AP3B1: variants seen among roughly 807,000 people sequenced by gnomAD.
The protein encoded by AP3B1 is adaptor related protein complex 3 subunit beta 1, also known as AP-3 complex subunit beta-1.
In AP3B1, 61 loss-of-function variants were observed where a neutral mutation model predicts 132.5. That is an observed-to-expected ratio of 0.46 (90% CI 0.37 to 0.57). AP3B1 has a LOEUF of 0.57. Among genes scored for constraint, AP3B1 ranks in the 20% least tolerant of loss-of-function variants. AP3B1 has a pLI of 0.00. For missense variants in AP3B1, 1,120 were observed against 1,289.4 expected, an observed-to-expected ratio of 0.87 and a Z score of 2.01; for synonymous variants, 388 against 438.3, an observed-to-expected ratio of 0.89 and a Z score of 1.43.
intron 13 of AP3B1, 109 bp from the exon 14 acceptor site, chr5:78,156,476 C>A: frequency 1.2e-6 from 1 of 823,136 alleles, no homozygotes. Context: ...TTAATACAAG[C>A]CTTAAAAGAC....
chr5:78,056,496 G>C (rs1748820914), intron 22 of AP3B1, among the ~76,000 whole-genome samples: 1 of 152,166 alleles, frequency 6.6e-6, no homozygotes, highest in African/African-American at 2.4e-5. Flanking sequence ...GAGATTAAAA[G>C]TACATGTCAA....
intron 15 of AP3B1, among the ~76,000 whole-genome samples, chr5:78,140,560 ATC>A (rs1753101681): frequency 6.6e-6 from 1 of 152,162 alleles, no homozygotes; most frequent in Admixed American, 6.6e-5. Flanking sequence ...GCTCTCAGGG[ATC>A]TCTTTTCTAA....
At chr5:78,075,577 C>T (rs1389777408) in intron 22 of AP3B1, among the ~76,000 whole-genome samples, 2 of 152,188 alleles carry the variant, frequency 1.3e-5, no homozygotes, top group Non-Finnish European at 2.9e-5. Context: ...TACTTGCTAG[C>T]CAATTTCCCA....
At chr5:78,011,041 CT>C (rs11301750) in intron 26 of AP3B1, among the ~76,000 whole-genome samples, 7,410 of 129,328 alleles carry the variant, frequency 0.057, 218 homozygotes, top group African/African-American at 0.14. Context: ...CTGTATCTCT[CT>C]TTTTTTTTTT....
In AP3B1 at chr5:78,113,843, AGTCCTCACTGCT is replaced by A. The variant is rs1162054019; in HGVS notation, c.2146_2157del (p.Glu718_Ser721del). 1 of 1,614,104 alleles carries A rather than the reference AGTCCTCACTGCT, an allele frequency of 6.2e-7. No individual in the cohort carries two copies. The highest frequency in any genetic ancestry group is 1.1e-5 in the South Asian group (1 of 91,068). The stretch of plus-strand genomic sequence containing the variant: ...CTCTCACTGTCCTGCTCACTGGAGG[AGTCCTCACTGCT>A]GTCCTCATTGCTGTCTCCTTCCTCC... On this transcript the variant is annotated inframe_deletion, in exon 19 of 27. Coordinates refer to ENST00000255194, the MANE Select transcript of AP3B1 (RefSeq NM_003664.5).
In AP3B1 at chr5:78,181,600, CTT is replaced by C. The variant is rs1489918168; in HGVS notation, c.847_848del (p.Lys283AspfsTer2). The C allele has an allele frequency of 6.2e-7, 1 of 1,612,332 alleles. No homozygotes were observed. On this transcript the variant is annotated frameshift_variant, in exon 8 of 27. Transcript: ENST00000255194. LOFTEE classifies it high-confidence loss of function. ...TATACGGCTTCTTCTTTTTGTCAGT[CTT>C]TTCCTTCTGATCATCATCAGATTCG... ...FYESDDDQKE[K>X]TDKKKKPYTM... is the part of the protein sequence containing the mutation.
At chr5:78,251,734 A>G (rs142152427) in intron 2 of AP3B1, among the ~76,000 whole-genome samples, 63 of 152,342 alleles carry the variant, frequency 4.1e-4, no homozygotes, top group Non-Finnish European at 6.5e-4. Context: ...TGTGTCTCCA[A>G]GTAAACTTGA....
At chr5:78,099,891 G>C (rs552190559) in intron 21 of AP3B1, among the ~76,000 whole-genome samples, 1 of 150,308 alleles carries the variant, frequency 6.7e-6, no homozygotes. Flanking sequence ...TCCGTCTCGG[G>C]GGGCGGGGAA....
intron 12 of AP3B1, 43 bp from the exon 13 acceptor site, chr5:78,162,994 G>C: frequency 6.3e-7 from 1 of 1,586,512 alleles, no homozygotes; most frequent in Non-Finnish European, 8.6e-7. Flanking sequence ...TGGTATTATT[G>C]AGTTAACCAA....
chr5:78,249,918 G>A (rs923335276), intron 2 of AP3B1, among the ~76,000 whole-genome samples: 1 of 152,000 alleles, frequency 6.6e-6, no homozygotes, highest in Non-Finnish European at 1.5e-5. Context: ...TTCAACTTCT[G>A]GCTCTTTCTT....
intron 3 of AP3B1, among the ~76,000 whole-genome samples, chr5:78,239,064 G>A (rs1747001689): frequency 6.6e-6 from 1 of 151,560 alleles, no homozygotes; most frequent in African/African-American, 2.4e-5. Context: ...CAAAAATAAA[G>A]GATTTTTTTA....
chr5:78,038,012 G>T (rs1277673411), intron 23 of AP3B1, among the ~76,000 whole-genome samples: 1 of 152,134 alleles, frequency 6.6e-6, no homozygotes, highest in Non-Finnish European at 1.5e-5. Flanking sequence ...ATGCAAAGGG[G>T]ATGAAAAATG....
intron 7 of AP3B1, among the ~76,000 whole-genome samples, chr5:78,192,528 G>A (rs953020500): frequency 2.0e-5 from 3 of 152,086 alleles, no homozygotes; most frequent in Non-Finnish European, 4.4e-5. Context: ...TGTAATCCCA[G>A]CTACTCCAGA....
At chr5:78,274,546 A>G (rs1748689923) in intron 1 of AP3B1, among the ~76,000 whole-genome samples, 1 of 152,072 alleles carries the variant, frequency 6.6e-6, no homozygotes, top group African/African-American at 2.4e-5. Context: ...AAAATCTTAG[A>G]AAAAAAGGAC....
In AP3B1 at chr5:78,002,442, T is replaced by G. The variant is rs1445608580; in HGVS notation, c.*460A>C. The G allele has an allele frequency of 4.8e-6, 2 of 412,530 alleles. No individual in the cohort carries two copies. Among genetic ancestry groups the G allele is most frequent in the Non-Finnish European group, 8.5e-6 (2 of 234,638 alleles). 25.6% of individuals were successfully genotyped at this position (412,530 alleles called of 1,614,324 possible). On this transcript the variant is annotated 3_prime_UTR_variant, in exon 27 of 27. Coordinates refer to ENST00000255194, the MANE Select transcript of AP3B1 (RefSeq NM_003664.5). ...AAAGAACAAAATCTTGCAGAGACTATGCTTTTGTATTTGGATTTAAAAAGT... is the reference window on the plus strand; with the variant it reads ...AAAGAACAAAATCTTGCAGAGACTAGGCTTTTGTATTTGGATTTAAAAAGT...
Position 78,267,449 on chromosome 5 carries a change from A to G in AP3B1, c.204+71T>C, listed in dbSNP as rs1052818714. 33 of 599,042 alleles carry G rather than the reference A, an allele frequency of 5.5e-5. No individual in the cohort carries two copies. The African/African-American group carries it at 6.1e-4, about 11-fold the overall frequency. The allele number at this position is 599,042 out of a possible 1,614,324, so 37.1% of individuals were successfully genotyped here. On this transcript the variant is annotated intron_variant, in intron 2 of 26. Coordinates refer to ENST00000255194, the MANE Select transcript of AP3B1 (RefSeq NM_003664.5). ...GACTTGGTATTTAACGTATTTTTAT[A>G]TATATATATAATAATATGATCACTG... is the stretch of plus-strand genomic sequence containing the variant.
rs747649319 is a variant in AP3B1, at chr5:78,034,426, T to A, written c.2829A>T (p.Gly943=). 2.5e-6 allele frequency: 4 copies of A among 1,610,866 alleles called. No homozygotes were observed. In the African/African-American group the frequency reaches 4.0e-5, roughly 16 times the overall value. Residue 943 remains glycine (G), a synonymous_variant, in exon 24 of 27, where the codon GGA becomes GGT. Coordinates refer to ENST00000255194, the MANE Select transcript of AP3B1 (RefSeq NM_003664.5). The part of the protein sequence containing the change: ...FNPIDSLEPE[G]SITVSMGIDF... ...CAATACCCATTGAAACTGTAATGGA[T>A]CCCTCAGGCTCAAGAGAGTCTAGGA... is the stretch of plus-strand genomic sequence containing the variant.
intron 3 of AP3B1, among the ~76,000 whole-genome samples, chr5:78,238,329 G>C (rs867794626): frequency 6.6e-6 from 1 of 152,154 alleles, no homozygotes; most frequent in Non-Finnish European, 1.5e-5. Context: ...GGCTCCCACT[G>C]ATTCTACATT....
intron 7 of AP3B1, among the ~76,000 whole-genome samples, chr5:78,205,816 G>A (rs1202887782): frequency 6.6e-6 from 1 of 151,534 alleles, no homozygotes; most frequent in Non-Finnish European, 1.5e-5. Context: ...CAGAATCATG[G>A]GGATGGAGGG....
Sources: allele counts gnomAD v4.1 joint callset (sites outside exome capture counted in the v4.1 genomes callset), GRCh38; gene constraint gnomAD v4.1.1; transcripts MANE v1.5; gene names NCBI Gene and HGNC (gene_info 2026-07-23, HGNC 2026-07-21).